Variants in SLCO6A1 observed in about 807,000 individuals in gnomAD.
SLCO6A1 encodes cancer/testis antigen 48.
SLCO6A1 carries 65 observed loss-of-function variants against 72.7 expected under a neutral mutation model. The observed-to-expected ratio is 0.89, with a 90% CI of 0.73 to 1.10. The LOEUF is 1.10. Ranked by LOEUF, SLCO6A1 falls within the 50% of genes least tolerant of loss-of-function variation. SLCO6A1 has a pLI of 0.00. For synonymous variants in SLCO6A1, 314 were observed against 298.2 expected, an observed-to-expected ratio of 1.05 and a Z score of -0.55; for missense variants, 874 against 872.6, an observed-to-expected ratio of 1.00 and a Z score of -0.02.
At chr5:102,373,763 GA>G (rs1745621267) in intron 12 of SLCO6A1, among the ~76,000 whole-genome samples, 1 of 152,094 alleles carries the variant, frequency 6.6e-6, no homozygotes, top group South Asian at 2.1e-4. Context: ...TGTTAATTCT[GA>G]AACATGAAAT....
At chr5:102,487,153 C>T (rs1037306320) in intron 1 of SLCO6A1, among the ~76,000 whole-genome samples, 5 of 152,108 alleles carry the variant, frequency 3.3e-5, no homozygotes, top group African/African-American at 4.8e-5. Context: ...TCATACTTCA[C>T]AAAATGTTTT....
At chr5:102,395,172 T>C (rs1401793414) in intron 10 of SLCO6A1, among the ~76,000 whole-genome samples, 2 of 152,124 alleles carry the variant, frequency 1.3e-5, no homozygotes, top group South Asian at 2.1e-4. Context: ...GTATATCTCC[T>C]AATGCTATCC....
chr5:102,492,564 G>A lies in SLCO6A1; in HGVS notation c.358+5923C>T, dbSNP rs537730728. Among the ~76,000 whole-genome samples, 118 of 152,246 alleles carry A rather than the reference G, an allele frequency of 7.8e-4. 1 individual carries two copies. The South Asian group carries it at 0.023, about 29-fold the overall frequency. ...GACAGGACAGTGGGTGCAGCCCACC[G>A]AGTGTGAGCTGAAGCAGGGGAGGCA... On this transcript the variant is annotated intron_variant, in intron 1 of 13. Coordinates refer to ENST00000506729, the MANE Select transcript of SLCO6A1 (RefSeq NM_173488.5).
chr5:102,484,305 T>C (rs940666819), intron 1 of SLCO6A1, among the ~76,000 whole-genome samples: 19 of 152,158 alleles, frequency 1.2e-4, no homozygotes, highest in African/African-American at 4.3e-4. Context: ...CGTTAGTTTG[T>C]TTTGTTTTGT....
intron 13 of SLCO6A1, 66 bp downstream of exon 13, chr5:102,373,267 ACATT>A: frequency 1.0e-6 from 1 of 980,398 alleles, no homozygotes; most frequent in Non-Finnish European, 1.3e-6. Context: ...ACATGTAATT[ACATT>A]ATTATTACTT....
At chr5:102,375,904 A>G (rs1274366348) in intron 12 of SLCO6A1, among the ~76,000 whole-genome samples, 2 of 152,146 alleles carry the variant, frequency 1.3e-5, no homozygotes, top group Admixed American at 1.3e-4. Context: ...CCAAAAATGT[A>G]GAAGACATCA....
intron 12 of SLCO6A1, among the ~76,000 whole-genome samples, chr5:102,383,272 T>C (rs984404977): frequency 7.9e-5 from 12 of 151,360 alleles, no homozygotes; most frequent in African/African-American, 2.9e-4. Flanking sequence ...GACATCTCTG[T>C]CTTTTTCCTG....
chr5:102,447,001 C>T (rs1176796599), intron 6 of SLCO6A1, among the ~76,000 whole-genome samples: 2 of 152,234 alleles, frequency 1.3e-5, no homozygotes, highest in Non-Finnish European at 2.9e-5. Context: ...GATTTGCCAC[C>T]TCAGCCTCCC....
At chr5:102,384,371 GCTCT>G (rs1746288988) in intron 12 of SLCO6A1, among the ~76,000 whole-genome samples, 1 of 151,840 alleles carries the variant, frequency 6.6e-6, no homozygotes, top group Admixed American at 6.6e-5. Context: ...TTTTTAAATT[GCTCT>G]CTGACTGTTT....
chr5:102,459,881 T>C, intron 4 of SLCO6A1, 104 bp from the exon 5 acceptor site: 1 of 884,866 alleles, frequency 1.1e-6, no homozygotes, highest in Non-Finnish European at 1.6e-6. Flanking sequence ...GAGGGAGGGT[T>C]GGAGAGTGAG....
chr5:102,408,346 T>C (rs1580370163), intron 9 of SLCO6A1, among the ~76,000 whole-genome samples: 1 of 118,042 alleles, frequency 8.5e-6, no homozygotes, highest in Middle Eastern at 3.9e-3. Context: ...TAATTTATTA[T>C]GTAGCAATAA....
intron 7 of SLCO6A1, among the ~76,000 whole-genome samples, chr5:102,431,881 G>T (rs985943405): frequency 6.6e-6 from 1 of 152,094 alleles, no homozygotes; most frequent in African/African-American, 2.4e-5. Context: ...CTCTTTGAAG[G>T]TCTCTAAGAA....
chr5:102,478,904 C>T (rs1001715002), intron 2 of SLCO6A1, among the ~76,000 whole-genome samples: 3 of 152,188 alleles, frequency 2.0e-5, no homozygotes, highest in Non-Finnish European at 4.4e-5. Context: ...CTACAACTGT[C>T]ATTCAAATGC....
chr5:102,468,407 C>G (rs1459826381), intron 4 of SLCO6A1, among the ~76,000 whole-genome samples: 1 of 151,938 alleles, frequency 6.6e-6, no homozygotes, highest in Admixed American at 6.6e-5. Context: ...TCTTGATGAC[C>G]TATCTAGTGC....
At chr5:102,431,128 G>T (rs1347452718) in intron 7 of SLCO6A1, among the ~76,000 whole-genome samples, 1 of 151,952 alleles carries the variant, frequency 6.6e-6, no homozygotes, top group Non-Finnish European at 1.5e-5. Flanking sequence ...TTTCTGTGGG[G>T]TCAGTGGTAA....
intron 8 of SLCO6A1, among the ~76,000 whole-genome samples, chr5:102,417,794 A>C (rs1299906414): frequency 2.0e-5 from 3 of 152,098 alleles, no homozygotes; most frequent in African/African-American, 7.2e-5. Flanking sequence ...AGGAGTTAAG[A>C]CCAGCCTGGC....
intron 7 of SLCO6A1, among the ~76,000 whole-genome samples, chr5:102,425,082 A>T (rs549717462): frequency 6.6e-6 from 1 of 152,200 alleles, no homozygotes; most frequent in Admixed American, 6.5e-5. Flanking sequence ...CTTCATGCTA[A>T]AAACACTCAA....
intron 9 of SLCO6A1, among the ~76,000 whole-genome samples, chr5:102,407,686 T>C (rs1483727172): frequency 2.0e-5 from 3 of 152,042 alleles, no homozygotes; most frequent in Non-Finnish European, 4.4e-5. Flanking sequence ...ATAAGGGAGA[T>C]TCTCTGTTGC....
chr5:102,380,633 T>G (rs1746053569), intron 12 of SLCO6A1, among the ~76,000 whole-genome samples: 1 of 152,004 alleles, frequency 6.6e-6, no homozygotes, highest in Non-Finnish European at 1.5e-5. Context: ...CCTTTAGCAA[T>G]GAAGGCAGTC....
Sources: allele counts gnomAD v4.1 joint callset (sites outside exome capture counted in the v4.1 genomes callset), GRCh38; gene constraint gnomAD v4.1.1; transcripts MANE v1.5; gene names NCBI Gene and HGNC (gene_info 2026-07-23, HGNC 2026-07-21).